Variants in HOOK3 observed in about 807,000 individuals in gnomAD.
The protein encoded by HOOK3 is protein Hook homolog 3.
Under a neutral mutation model 116.3 loss-of-function variants are expected in HOOK3, and 24 were observed. The observed-to-expected ratio is 0.21, with a 90% CI of 0.15 to 0.29. The LOEUF (loss-of-function observed/expected upper bound fraction) is 0.29, where lower values mean the gene tolerates loss of function less well. HOOK3 is among the 10% of genes least tolerant of loss of function. The probability of loss-of-function intolerance (pLI) is 1.00; values close to 1 mark genes in which losing one functional copy is unlikely to be tolerated. For synonymous variants in HOOK3, 275 were observed against 283.0 expected (o/e 0.97, Z 0.28); for missense variants, 632 against 830.2 (o/e 0.76, Z 2.93).
intron 18 of HOOK3, among the ~76,000 whole-genome samples, chr8:43,008,209 G>A (rs1318983599): frequency 6.6e-6 from 1 of 151,738 alleles, no homozygotes; most frequent in Non-Finnish European, 1.5e-5. Flanking sequence ...TAGTAGAGAT[G>A]GGGTTTCACC....
chr8:42,969,425 A>C (rs1234848500), intron 11 of HOOK3, among the ~76,000 whole-genome samples: 1 of 152,200 alleles, frequency 6.6e-6, no homozygotes, highest in Admixed American at 6.5e-5. Context: ...CAGGAGTTCC[A>C]AACCAACCTG....
chr8:42,938,865 A>C (rs147174889), intron 4 of HOOK3, among the ~76,000 whole-genome samples: 7 of 152,016 alleles, frequency 4.6e-5, no homozygotes, highest in Non-Finnish European at 8.8e-5. Context: ...ACCCTGCTGC[A>C]TTCCGCAGTG....
rs879141151 is a variant in HOOK3, at chr8:43,021,118, A to C, written c.*2620A>C. The C allele has an allele frequency of 3.0e-4, 57 of 192,488 alleles. 1 individual carries two copies. In the South Asian group the frequency reaches 0.011, roughly 37 times the overall value. 11.9% of individuals were successfully genotyped at this position (192,488 alleles called of 1,614,324 possible). A position where few individuals can be genotyped will look rare whatever the true frequency, so the allele number is the denominator to read the frequency against. Reference sequence around the variant, plus strand: ...CTCTGTCGCAAGAAAAAAAAAAAAAAAAAAAAAAAAAAAAACAGTCTGTGA... The same window carrying C: ...CTCTGTCGCAAGAAAAAAAAAAAAACAAAAAAAAAAAAAAACAGTCTGTGA... On this transcript the variant is annotated 3_prime_UTR_variant, in exon 22 of 22. Coordinates refer to ENST00000307602, the MANE Select transcript of HOOK3 (RefSeq NM_032410.4).
intron 18 of HOOK3, 91 bp downstream of exon 18, chr8:43,008,020 T>C: frequency 1.9e-6 from 1 of 524,146 alleles, no homozygotes; most frequent in Non-Finnish European, 3.1e-6. Context: ...ATTATTTATT[T>C]TTTATTTTTA....
At chr8:42,988,898 T>C (rs1304393495) in intron 15 of HOOK3, among the ~76,000 whole-genome samples, 1 of 152,240 alleles carries the variant, frequency 6.6e-6, no homozygotes, top group African/African-American at 2.4e-5. Context: ...CCTAAGTTTG[T>C]TCTTACTGAA....
intron 2 of HOOK3, among the ~76,000 whole-genome samples, chr8:42,923,220 C>T (rs941859669): frequency 6.6e-6 from 1 of 152,188 alleles, no homozygotes; most frequent in African/African-American, 2.4e-5. Context: ...CGAGTATTGG[C>T]AAGGCTGTAG....
intron 4 of HOOK3, among the ~76,000 whole-genome samples, chr8:42,935,725 C>A (rs556746688): frequency 1.3e-5 from 2 of 152,040 alleles, no homozygotes; most frequent in African/African-American, 4.8e-5. Flanking sequence ...ATTTCTGAGG[C>A]CTCTGTTCTG....
intron 13 of HOOK3, among the ~76,000 whole-genome samples, chr8:42,978,697 A>C (rs1430908255): frequency 1.3e-5 from 2 of 151,514 alleles, no homozygotes; most frequent in Admixed American, 6.6e-5. Flanking sequence ...TACAGCCATG[A>C]GCCACCACAC....
intron 21 of HOOK3, among the ~76,000 whole-genome samples, chr8:43,015,186 T>G (rs1809688736): frequency 6.6e-6 from 1 of 151,980 alleles, no homozygotes; most frequent in South Asian, 2.1e-4. Flanking sequence ...TATTGCAATT[T>G]TAAAACCAGA....
chr8:42,968,357 T>G, intron 11 of HOOK3, 143 bp downstream of exon 11: 1 of 605,016 alleles, frequency 1.7e-6, no homozygotes. Context: ...GGAGACTGAG[T>G]CTCACTCTGT....
chr8:42,971,297 C>T (rs574158709), intron 11 of HOOK3, among the ~76,000 whole-genome samples: 19 of 152,238 alleles, frequency 1.2e-4, no homozygotes, highest in Admixed American at 3.3e-4. Flanking sequence ...GTCAGAGTCT[C>T]GCTCTGTCGC....
At chr8:42,942,463 A>G (rs775269041) in intron 4 of HOOK3, among the ~76,000 whole-genome samples, 3 of 152,026 alleles carry the variant, frequency 2.0e-5, no homozygotes, top group Non-Finnish European at 4.4e-5. Context: ...CTTGATCACA[A>G]CCTCTTTCCT....
At chr8:42,925,845 T>C (rs1036933306) in intron 3 of HOOK3, among the ~76,000 whole-genome samples, 1 of 152,216 alleles carries the variant, frequency 6.6e-6, no homozygotes, top group South Asian at 2.1e-4. Context: ...ATGGAGCCAG[T>C]GTGCCTGTGT....
intron 2 of HOOK3, among the ~76,000 whole-genome samples, chr8:42,912,797 C>T (rs1264452475): frequency 6.6e-6 from 1 of 152,198 alleles, no homozygotes; most frequent in African/African-American, 2.4e-5. Flanking sequence ...AGTGTTCACT[C>T]TTGGTGTTGT....
intron 8 of HOOK3, among the ~76,000 whole-genome samples, chr8:42,962,261 CT>C (rs559919675): frequency 0.02 from 2,315 of 117,778 alleles, 53 homozygotes; most frequent in African/African-American, 0.062. Context: ...ATTTTCATTT[CT>C]TTTTTTTTTT....
At chr8:42,955,714 G>C (rs1328792077) in intron 6 of HOOK3, among the ~76,000 whole-genome samples, 1 of 152,050 alleles carries the variant, frequency 6.6e-6, no homozygotes, top group African/African-American at 2.4e-5. Flanking sequence ...AAGTACAGAG[G>C]GGTGGGGCCT....
intron 13 of HOOK3, among the ~76,000 whole-genome samples, chr8:42,975,517 T>A (rs1808805425): frequency 6.6e-6 from 1 of 152,158 alleles, no homozygotes; most frequent in Admixed American, 6.5e-5. Flanking sequence ...ATCTTCCTTG[T>A]GGATAGATTT....
In HOOK3 at chr8:42,906,211, G is replaced by A. The variant is rs764554162; in HGVS notation, c.96G>A (p.Val32=). The part of the protein sequence containing the change: ...TFNVDAPCQT[V]EDLTNGVVMA... ...ATGTGGATGCACCATGCCAGACCGT[G>A]GAAGATTTAACGAATGGGGTTGTGA... Residue 32 remains valine, a synonymous_variant, in exon 2 of 22, where the codon GTG becomes GTA. Coordinates refer to ENST00000307602, the MANE Select transcript of HOOK3 (RefSeq NM_032410.4). 2 of 1,608,748 alleles carry A rather than the reference G, an allele frequency of 1.2e-6. No homozygotes were observed. The highest frequency in any genetic ancestry group is 2.2e-5 in the South Asian group (2 of 90,942).
At chr8:42,984,206 A>G (rs1000798735) in intron 14 of HOOK3, among the ~76,000 whole-genome samples, 2 of 152,026 alleles carry the variant, frequency 1.3e-5, no homozygotes, top group Non-Finnish European at 2.9e-5. Flanking sequence ...TGTCTCTACT[A>G]AAAAGTACAA....
Sources: gnomAD v4.1 joint callset for allele counts (sites outside exome capture counted in the v4.1 genomes callset) on GRCh38, gnomAD v4.1.1 for gene constraint, MANE v1.5 for transcripts, NCBI Gene and HGNC (gene_info 2026-07-23, HGNC 2026-07-21) for gene names.